The following TENM3 variants were observed in gnomAD, a reference collection of about 807,000 sequenced individuals.
The protein encoded by TENM3 is teneurin transmembrane protein 3.
A neutral mutation model predicts 255.1 loss-of-function variants in TENM3; 63 were observed. That is an observed-to-expected ratio of 0.25 (90% confidence interval 0.20 to 0.30). The LOEUF (loss-of-function observed/expected upper bound fraction) is 0.30, where lower values mean the gene tolerates loss of function less well. TENM3 is among the 10% of genes least tolerant of loss of function. The pLI is 1.00. For synonymous variants in TENM3, 1,306 were observed against 1,322.3 expected (o/e 0.99, Z 0.27); for missense variants, 2,929 against 3,461.1 (o/e 0.85, Z 3.86).
the TENM3 span, among the ~76,000 whole-genome samples, chr4:181,635,634 A>G: frequency 2.6e-5 from 4 of 152,188 alleles, no homozygotes; most frequent in Non-Finnish European, 5.9e-5. Flanking sequence ...GGGAACTTCT[A>G]TGGGCTGAGA....
At chr4:181,610,444 GT>G in the TENM3 span, among the ~76,000 whole-genome samples, 1 of 152,136 alleles carries the variant, frequency 6.6e-6, no homozygotes, top group Admixed American at 6.5e-5. Flanking sequence ...TTAATCCCGG[GT>G]TTTGTCAACC....
the TENM3 span, among the ~76,000 whole-genome samples, chr4:181,517,834 GT>G: frequency 6.6e-6 from 1 of 152,084 alleles, no homozygotes; most frequent in Admixed American, 6.5e-5. Flanking sequence ...GTTTGTTTTG[GT>G]TTGGATAATA....
At chr4:181,680,620 TATAAAAATAG>T in the TENM3 span, among the ~76,000 whole-genome samples, 1 of 152,138 alleles carries the variant, frequency 6.6e-6, no homozygotes, top group Non-Finnish European at 1.5e-5. Context: ...GTTAGGGAAT[TATAAAAATAG>T]AAAAAGTCTA....
At chr4:181,485,988 A>T in the TENM3 span, among the ~76,000 whole-genome samples, 2 of 151,134 alleles carry the variant, frequency 1.3e-5, no homozygotes, top group African/African-American at 4.9e-5. Flanking sequence ...AGGAATAAAG[A>T]CCTTAAGATG....
chr4:181,886,000 T>A, the TENM3 span, among the ~76,000 whole-genome samples: 1 of 151,802 alleles, frequency 6.6e-6, no homozygotes, highest in Non-Finnish European at 1.5e-5. Context: ...TGGAAAAAGA[T>A]CTGGCAGCAT....
intron 1 of TENM3, among the ~76,000 whole-genome samples, chr4:182,288,228 G>A (rs143103441): frequency 0.021 from 3,196 of 152,156 alleles, 49 homozygotes; most frequent in Non-Finnish European, 0.029. Context: ...GAGCCACTGC[G>A]GCTGGCCTAT....
At chr4:181,994,355 T>A in the TENM3 span, among the ~76,000 whole-genome samples, 1 of 152,104 alleles carries the variant, frequency 6.6e-6, no homozygotes, top group South Asian at 2.1e-4. Flanking sequence ...AATAAGGATG[T>A]CTTAAAATAC....
intron 3 of TENM3, among the ~76,000 whole-genome samples, chr4:182,471,002 G>A (rs1032666730): frequency 6.6e-5 from 10 of 152,092 alleles, no homozygotes; most frequent in African/African-American, 2.4e-4. Flanking sequence ...TACCACGTCC[G>A]TCAATGTGAA....
intron 1 of TENM3, among the ~76,000 whole-genome samples, chr4:182,276,422 C>T (rs1420609091): frequency 6.6e-6 from 1 of 152,168 alleles, no homozygotes; most frequent in African/African-American, 2.4e-5. Context: ...CTTGAGATAA[C>T]ATTTGTGATA....
chr4:182,336,105 T>G (rs1365079661), intron 2 of TENM3, among the ~76,000 whole-genome samples: 1 of 152,182 alleles, frequency 6.6e-6, no homozygotes, highest in Non-Finnish European at 1.5e-5. Flanking sequence ...AGGCGGGATC[T>G]TCCTCATTGG....
intron 1 of TENM3, among the ~76,000 whole-genome samples, chr4:182,226,883 C>A (rs139631499): frequency 1.6e-4 from 24 of 152,232 alleles, no homozygotes; most frequent in African/African-American, 5.8e-4. Context: ...TTCACCTGAC[C>A]CATACATATA....
chr4:181,547,216 A>T, the TENM3 span, among the ~76,000 whole-genome samples: 1 of 152,216 alleles, frequency 6.6e-6, no homozygotes, highest in Admixed American at 6.5e-5. Context: ...CATAATTAAT[A>T]TCTTCAGAAA....
At chr4:181,507,083 T>C in the TENM3 span, among the ~76,000 whole-genome samples, 3 of 152,172 alleles carry the variant, frequency 2.0e-5, no homozygotes, top group African/African-American at 7.2e-5. Flanking sequence ...TGTGCCCAGA[T>C]AGATTTTGGT....
the TENM3 span, among the ~76,000 whole-genome samples, chr4:182,100,448 A>AAAT: frequency 0.17 from 19,585 of 114,630 alleles, 2,443 homozygotes; most frequent in Non-Finnish European, 0.23. Context: ...TAAAAAAAAA[A>AAAT]ATATATATAT....
At chr4:181,596,534 C>T in the TENM3 span, among the ~76,000 whole-genome samples, 2 of 152,296 alleles carry the variant, frequency 1.3e-5, no homozygotes, top group Admixed American at 1.3e-4. Context: ...CTTTTGCTCA[C>T]TAATGAAACC....
intron 3 of TENM3, among the ~76,000 whole-genome samples, chr4:182,560,014 C>T (rs544313893): frequency 1.4e-3 from 209 of 151,734 alleles, no homozygotes; most frequent in African/African-American, 4.9e-3. Flanking sequence ...ATCAAAATAT[C>T]TTCTCATGTA....
the TENM3 span, among the ~76,000 whole-genome samples, chr4:181,876,564 C>T: frequency 2.6e-5 from 4 of 152,106 alleles, no homozygotes; most frequent in African/African-American, 7.2e-5. Flanking sequence ...TTTTACATAA[C>T]GGTTGCAAAT....
In TENM3 at chr4:182,302,867, T is replaced by A. The variant is rs190183133; in HGVS notation, c.-75-21079T>A. 1.6e-4 allele frequency among the ~76,000 whole-genome samples: 25 copies of A among 152,296 alleles called. No individual in the cohort carries two copies. In the East Asian group the frequency reaches 4.4e-3, roughly 27 times the overall value. On this transcript the variant is annotated intron_variant, in intron 1 of 27. Coordinates refer to ENST00000511685, the MANE Select transcript of TENM3 (RefSeq NM_001080477.4). ...CAGGTATGAAGTCCTGAGATATCCA[T>A]GTATTGAGACTCATCACTTTGACTA... is the stretch of plus-strand genomic sequence containing the variant.
chr4:181,586,214 G>A, the TENM3 span, among the ~76,000 whole-genome samples: 1 of 152,184 alleles, frequency 6.6e-6, no homozygotes, highest in Non-Finnish European at 1.5e-5. Context: ...CTGACAGGCA[G>A]ATGTCTATGG....
Sources: allele counts gnomAD v4.1 joint callset (sites outside exome capture counted in the v4.1 genomes callset), GRCh38; gene constraint gnomAD v4.1.1; transcripts MANE v1.5; gene names NCBI Gene and HGNC (gene_info 2026-07-23, HGNC 2026-07-21).